The following HSCB variants were observed in gnomAD, a reference collection of about 807,000 sequenced individuals.
HSCB encodes the protein iron-sulfur cluster co-chaperone protein HscB.
Under a neutral mutation model 31.3 loss-of-function variants are expected in HSCB, and 23 were observed. The observed-to-expected ratio is 0.74, with a 90% CI of 0.53 to 1.04. The LOEUF is 1.04. Ranked by LOEUF, HSCB falls within the 50% of genes least tolerant of loss-of-function variation. The pLI is 0.00. For synonymous variants in HSCB, 110 were observed against 104.5 expected, an observed-to-expected ratio of 1.05 and a Z score of -0.32; for missense variants, 297 against 288.1, an observed-to-expected ratio of 1.03 and a Z score of -0.22.
At chr22:28,743,631 C>T (rs2054630538) in intron 1 of HSCB, among the ~76,000 whole-genome samples, 1 of 152,152 alleles carries the variant, frequency 6.6e-6, no homozygotes, top group Admixed American at 6.6e-5. Flanking sequence ...TGCAATTCTA[C>T]CTGGACGTCT....
intron 3 of HSCB, 64 bp downstream of exon 3, chr22:28,744,768 C>A: frequency 8.0e-7 from 1 of 1,248,960 alleles, no homozygotes; most frequent in Non-Finnish European, 1.2e-6. Context: ...GTAGGACAGC[C>A]ACGTCCCCTT....
Position 28,742,093 on chromosome 22 carries a change from C to T in HSCB, c.-3C>T, listed in dbSNP as rs768053845. On this transcript the variant is annotated 5_prime_UTR_variant, in exon 1 of 6. Transcript: ENST00000216027. Reference sequence around the variant, plus strand: ...GACCACGGCTAGATAGGCCGCCGGCCAGATGTGGCGGGGGAGAGCCGGGGC... The same window carrying T: ...GACCACGGCTAGATAGGCCGCCGGCTAGATGTGGCGGGGGAGAGCCGGGGC... 1 of 1,606,158 alleles carries T rather than the reference C, an allele frequency of 6.2e-7. No homozygotes were observed. Among genetic ancestry groups the T allele is most frequent in the South Asian group, 1.1e-5 (1 of 90,248 alleles).
chr22:28,752,579 A>G (rs1417511404), intron 5 of HSCB, among the ~76,000 whole-genome samples: 3 of 150,850 alleles, frequency 2.0e-5, no homozygotes, highest in Non-Finnish European at 4.4e-5. Flanking sequence ...CTAAAAATAC[A>G]AAAAATTAGC....
rs765847392 is a variant in HSCB, at chr22:28,744,548, CAA to C, written c.334-63_334-62del. 8 of 1,245,372 alleles carry C rather than the reference CAA, an allele frequency of 6.4e-6. No homozygotes were observed. In the South Asian group the frequency reaches 9.7e-5, roughly 15 times the overall value. The allele number at this position is 1,245,372 out of a possible 1,614,324, so 77.1% of individuals were successfully genotyped here. A position where few individuals can be genotyped will look rare whatever the true frequency, so the allele number is the denominator to read the frequency against. On this transcript the variant is annotated intron_variant, in intron 2 of 5. Transcript: ENST00000216027. ...CAGCCTGGATGACTCAACGTCAAAA[CAA>C]AAACAAAAACAAAAAAACTTTGTGA...
chr22:28,744,605 C>G lies in HSCB; in HGVS notation c.334-10C>G. On this transcript the variant is annotated splice_polypyrimidine_tract_variant and intron_variant, in intron 2 of 5. Coordinates refer to ENST00000216027, the MANE Select transcript of HSCB (RefSeq NM_172002.5). ...GATGGTAATAGTACTATCTTCATCT[C>G]CACTAACAGACTGAAAAGGACTTCT... is the stretch of plus-strand genomic sequence containing the variant. 2 of 1,588,048 alleles carry G rather than the reference C, an allele frequency of 1.3e-6. No homozygotes were observed. The highest frequency in any genetic ancestry group is 1.7e-6 in the Non-Finnish European group (2 of 1,156,278).
In HSCB at chr22:28,744,071, G is replaced by A. The variant is rs2054642066; in HGVS notation, c.333+93G>A. ...TTATGTGATTATCAGGGACTGAGCT[G>A]GAAAATCAGCTGTGTCTGCCCCATG... On this transcript the variant is annotated intron_variant, in intron 2 of 5. Transcript: ENST00000216027. 5.0e-6 allele frequency: 5 copies of A among 1,002,188 alleles called. No individual in the cohort carries two copies. In the Admixed American group the frequency reaches 8.5e-5, roughly 17 times the overall value. The allele number at this position is 1,002,188 out of a possible 1,614,324, so 62.1% of individuals were successfully genotyped here.
rs1257067183 is a variant in HSCB, at chr22:28,745,970, G to A, written c.530G>A (p.Ser177Asn). Residue 177 changes from serine to asparagine, a missense_variant, in exon 4 of 6, where the codon AGT becomes AAT. Transcript: ENST00000216027. ...AATGAAAAACTCGCAGAAGCTGAAA[G>A]TGAAGCTGCCATGAAAGAGATTGAA... ...EINEKLAEAE[S>N]EAAMKEIESI... The A allele has an allele frequency of 6.2e-7, 1 of 1,613,578 alleles. No individual in the cohort carries two copies. Among genetic ancestry groups the A allele is most frequent in the African/African-American group, 1.3e-5 (1 of 74,920 alleles).
Position 28,748,312 on chromosome 22 carries a change from C to G in HSCB, c.568+2304C>G, listed in dbSNP as rs556715047. Among the ~76,000 whole-genome samples the G allele has an allele frequency of 1.8e-4, 27 of 152,314 alleles. 2 individuals are homozygous for G. The South Asian group carries it at 5.4e-3, about 30-fold the overall frequency. On this transcript the variant is annotated intron_variant, in intron 4 of 5. Coordinates refer to ENST00000216027, the MANE Select transcript of HSCB (RefSeq NM_172002.5). ...TATGCCCATAGTCAATCTATTACAT[C>G]TGAAAGAGCTGACTTAAATTTGCCT...
In HSCB at chr22:28,751,357, C is replaced by G. The variant is rs2030241686; in HGVS notation, c.616+69C>G. On this transcript the variant is annotated intron_variant, in intron 5 of 5. Transcript: ENST00000216027. The stretch of plus-strand genomic sequence containing the variant: ...AAGCACTGAAGCATAGCCATTCATT[C>G]AATAACTAGCTATTATATACCTTCC... 1.5e-5 allele frequency: 13 copies of G among 855,598 alleles called. No individual in the cohort carries two copies. In the South Asian group the frequency reaches 2.0e-4, roughly 13 times the overall value. 53.0% of individuals were successfully genotyped at this position (855,598 alleles called of 1,614,324 possible). A position where few individuals can be genotyped will look rare whatever the true frequency, so the allele number is the denominator to read the frequency against.
intron 4 of HSCB, among the ~76,000 whole-genome samples, chr22:28,747,335 T>A (rs2029907935): frequency 6.6e-6 from 1 of 152,178 alleles, no homozygotes. Flanking sequence ...ATGGTCTCAC[T>A]CTGTCACCCA....
At chr22:28,754,508 G>A (rs1569189631) in intron 5 of HSCB, among the ~76,000 whole-genome samples, 1 of 151,918 alleles carries the variant, frequency 6.6e-6, no homozygotes, top group South Asian at 2.1e-4. Context: ...CGTCTTTACT[G>A]CAAATACAAA....
Position 28,745,874 on chromosome 22 carries a change from A to G in HSCB, c.434A>G (p.His145Arg), listed in dbSNP as rs1185839120. The change falls in exon 4 of 6, where the codon CAT becomes CGT. Residue 145 changes from histidine to arginine, a missense_variant. Transcript: ENST00000216027. Reference protein sequence around the residue: ...LSRGLYLLKLHGIEIPERTDY... With the variant: ...LSRGLYLLKLRGIEIPERTDY... ...TTTCTACCCCAATAGCTAAAGCTCC[A>G]TGGAATAGAGATTCCTGAAAGGACA... 1.2e-6 allele frequency: 2 copies of G among 1,610,188 alleles called. No individual in the cohort carries two copies. Among genetic ancestry groups the G allele is most frequent in the Admixed American group, 1.7e-5 (1 of 59,094 alleles).
chr22:28,751,953 G>A (rs756712312), intron 5 of HSCB, among the ~76,000 whole-genome samples: 13 of 151,684 alleles, frequency 8.6e-5, no homozygotes, highest in Non-Finnish European at 1.8e-4. Context: ...AACTGAGTGT[G>A]GTGGCATGTG....
rs779979473 is a variant in HSCB, at chr22:28,745,956, C to G, written c.516C>G (p.Leu172=). 5.6e-6 allele frequency: 9 copies of G among 1,613,552 alleles called. No individual in the cohort carries two copies. In the South Asian group the frequency reaches 8.8e-5, roughly 16 times the overall value. Residue 172 remains leucine (L), a synonymous_variant, in exon 4 of 6, where the codon CTC becomes CTG. Transcript: ENST00000216027. ...AAATAATGGAAATCAATGAAAAACT[C>G]GCAGAAGCTGAAAGTGAAGCTGCCA... The part of the protein sequence containing the change: ...LIEIMEINEK[L]AEAESEAAMK...
chr22:28,749,204 A>T (rs2030056534), intron 4 of HSCB, among the ~76,000 whole-genome samples: 1 of 151,140 alleles, frequency 6.6e-6, no homozygotes, highest in Non-Finnish European at 1.5e-5. Context: ...AGCATCCCTT[A>T]CAGGGCCCGG....
intron 4 of HSCB, among the ~76,000 whole-genome samples, chr22:28,749,065 C>T (rs1453786913): frequency 6.6e-6 from 1 of 151,654 alleles, no homozygotes; most frequent in Non-Finnish European, 1.5e-5. Flanking sequence ...CACTTGAGCC[C>T]AGGAGGTGGA....
intron 1 of HSCB, chr22:28,742,711 A>G: frequency 3.6e-6 from 1 of 276,704 alleles, no homozygotes; most frequent in Admixed American, 4.8e-5. Flanking sequence ...GGGAGACTGG[A>G]AGACTTGAAT....
chr22:28,751,400 G>T, intron 5 of HSCB, 112 bp downstream of exon 5: 1 of 605,634 alleles, frequency 1.7e-6, no homozygotes, highest in South Asian at 2.3e-5. Context: ...GCTATATAGG[G>T]AGATATGAAA....
chr22:28,745,107 C>T (rs996136678), intron 3 of HSCB: 2 of 161,050 alleles, frequency 1.2e-5, no homozygotes, highest in African/African-American at 4.8e-5. Context: ...CCTCAGAGCA[C>T]AAGTATAATT....
Sources: gnomAD v4.1 joint callset for allele counts (sites outside exome capture counted in the v4.1 genomes callset) on GRCh38, gnomAD v4.1.1 for gene constraint, MANE v1.5 for transcripts, NCBI Gene and HGNC (gene_info 2026-07-23, HGNC 2026-07-21) for gene names.